The following NALF1 variants were observed in gnomAD, a reference collection of about 807,000 sequenced individuals.
NALF1 encodes the protein NALCN channel auxiliary factor 1.
In NALF1, 3 loss-of-function variants were observed where a neutral mutation model predicts 48.4. The ratio of observed to expected loss-of-function variants is 0.06; its 90% CI spans 0.03 to 0.16. NALF1 has a LOEUF of 0.16. NALF1 is among the 10% of genes least tolerant of loss of function. The pLI is 1.00. For synonymous variants in NALF1, 262 were observed against 245.7 expected (o/e 1.07, Z -0.62); for missense variants, 526 against 571.5 (o/e 0.92, Z 0.81).
intron 1 of NALF1, among the ~76,000 whole-genome samples, chr13:107,341,558 G>T (rs1882681228): frequency 6.6e-6 from 1 of 151,316 alleles, no homozygotes; most frequent in Non-Finnish European, 1.5e-5. Flanking sequence ...GAGGTGGTGA[G>T]GATTAAAATT....
At chr13:107,531,177 T>C (rs535767471) in intron 1 of NALF1, 5 of 168,194 alleles carry the variant, frequency 3.0e-5, no homozygotes, top group Non-Finnish European at 5.9e-5. Context: ...TTTGTCCTCA[T>C]CCAAATCTCA....
chr13:107,519,542 G>A (rs1876169885), intron 1 of NALF1, among the ~76,000 whole-genome samples: 2 of 152,110 alleles, frequency 1.3e-5, no homozygotes, highest in Admixed American at 1.3e-4. Flanking sequence ...TTATCCAGGG[G>A]TTTCCGTCTG....
At chr13:107,826,261 G>A (rs1310621862) in intron 1 of NALF1, among the ~76,000 whole-genome samples, 1 of 152,118 alleles carries the variant, frequency 6.6e-6, no homozygotes, top group African/African-American at 2.4e-5. Flanking sequence ...CTGTGTAGGT[G>A]CCAGAACATA....
At chr13:107,690,891 C>A (rs1217717519) in intron 1 of NALF1, among the ~76,000 whole-genome samples, 2 of 152,150 alleles carry the variant, frequency 1.3e-5, no homozygotes, top group South Asian at 2.1e-4. Context: ...TGCATTCTTA[C>A]GGTGATGTGG....
At chr13:107,544,396 GA>G (rs1217444859) in intron 1 of NALF1, among the ~76,000 whole-genome samples, 4 of 152,194 alleles carry the variant, frequency 2.6e-5, no homozygotes, top group African/African-American at 9.6e-5. Flanking sequence ...AGCCATAATT[GA>G]AAATAGATGT....
At chr13:107,199,390 C>T (rs1358224668) in intron 2 of NALF1, among the ~76,000 whole-genome samples, 2 of 152,130 alleles carry the variant, frequency 1.3e-5, no homozygotes, top group Admixed American at 6.5e-5. Flanking sequence ...GGTATTTTGT[C>T]ACGGCAGCCC....
At position 107,865,925 on chromosome 13, in the gene NALF1, C is replaced by A. The variant is rs1361251821; in HGVS notation, c.672G>T (p.Ser224=). 1 of 1,614,048 alleles carries A rather than the reference C, an allele frequency of 6.2e-7. No individual in the cohort carries two copies. Residue 224 remains serine, a synonymous_variant, in exon 1 of 3, where the codon TCG becomes TCT. Coordinates refer to ENST00000375915, the MANE Select transcript of NALF1 (RefSeq NM_001080396.3). ...PLWNLSDFYL[S]FCNSYTLWEL... is the part of the protein sequence containing the mutation. ...CCCAAAGTGTGTAGGAATTACAAAACGAAAGGTAAAAATCCGACAAGTTCC... is the reference window on the plus strand; with the variant it reads ...CCCAAAGTGTGTAGGAATTACAAAAAGAAAGGTAAAAATCCGACAAGTTCC...
At chr13:107,486,385 TAGAA>T (rs1483577838) in intron 1 of NALF1, among the ~76,000 whole-genome samples, 9 of 152,158 alleles carry the variant, frequency 5.9e-5, no homozygotes, top group Non-Finnish European at 1.0e-4. Flanking sequence ...GGAAAGATCA[TAGAA>T]AGAGTTGCCG....
chr13:107,582,061 G>GT (rs1230556330), intron 1 of NALF1, among the ~76,000 whole-genome samples: 2 of 152,066 alleles, frequency 1.3e-5, no homozygotes, highest in Non-Finnish European at 2.9e-5. Flanking sequence ...AGTGCTGTAG[G>GT]TTGCTTAGCC....
intron 1 of NALF1, among the ~76,000 whole-genome samples, chr13:107,771,193 T>C (rs535217883): frequency 3.6e-4 from 55 of 152,282 alleles, no homozygotes; most frequent in East Asian, 5.8e-4. Context: ...TTTTACTTTC[T>C]GGATGTTTCC....
intron 1 of NALF1, among the ~76,000 whole-genome samples, chr13:107,593,358 G>A (rs910436238): frequency 2.0e-5 from 3 of 151,240 alleles, no homozygotes; most frequent in Non-Finnish European, 4.4e-5. Context: ...TAATTTTTAT[G>A]GCTACTTTTT....
intron 1 of NALF1, among the ~76,000 whole-genome samples, chr13:107,440,538 A>C (rs1335495965): frequency 6.6e-6 from 1 of 152,132 alleles, no homozygotes; most frequent in African/African-American, 2.4e-5. Flanking sequence ...GTTTGCGCTG[A>C]GTTTTGAGAG....
At chr13:107,700,169 G>C (rs1237721855) in intron 1 of NALF1, among the ~76,000 whole-genome samples, 3 of 151,228 alleles carry the variant, frequency 2.0e-5, no homozygotes, top group African/African-American at 7.3e-5. Context: ...AATTTATTCA[G>C]AACTAAAAAA....
At chr13:107,651,592 A>G (rs189964249) in intron 1 of NALF1, among the ~76,000 whole-genome samples, 2 of 152,358 alleles carry the variant, frequency 1.3e-5, no homozygotes, top group East Asian at 1.9e-4. Context: ...CCTGTTCCAC[A>G]GGATGGAGTA....
intron 1 of NALF1, among the ~76,000 whole-genome samples, chr13:107,573,688 G>GT (rs1878054459): frequency 6.6e-6 from 1 of 152,080 alleles, no homozygotes; most frequent in African/African-American, 2.4e-5. Flanking sequence ...TGTCATGGGG[G>GT]GGACCTGGTC....
At position 107,549,987 on chromosome 13, in the gene NALF1, A is replaced by G. The variant is rs577819214; in HGVS notation, c.915+315695T>C. ...CCTTGGCATTTTTTAAGAAAGATAG[A>G]CCATTAAATTTTTAGAAACTATCTT... On this transcript the variant is annotated intron_variant, in intron 1 of 2. Coordinates refer to ENST00000375915, the MANE Select transcript of NALF1 (RefSeq NM_001080396.3). Among the ~76,000 whole-genome samples, 5 of 152,212 alleles carry G rather than the reference A, an allele frequency of 3.3e-5. No individual in the cohort carries two copies. In the East Asian group the frequency reaches 9.7e-4, roughly 29 times the overall value.
intron 1 of NALF1, among the ~76,000 whole-genome samples, chr13:107,403,263 T>C (rs1883844042): frequency 6.8e-6 from 1 of 145,990 alleles, no homozygotes. Flanking sequence ...AGAGGGGTGA[T>C]TGTGAAAACA....
intron 1 of NALF1, among the ~76,000 whole-genome samples, chr13:107,597,212 T>A (rs1878778752): frequency 6.6e-6 from 1 of 152,314 alleles, no homozygotes; most frequent in East Asian, 1.9e-4. Context: ...TCAAAGACAT[T>A]AGCATAAAGC....
intron 1 of NALF1, among the ~76,000 whole-genome samples, chr13:107,689,270 CCTT>C (rs776850539): frequency 7.9e-5 from 12 of 152,276 alleles, no homozygotes; most frequent in East Asian, 7.7e-4. Flanking sequence ...GACCTTGTCT[CCTT>C]CTTCTTTTTT....
Sources: gnomAD v4.1 joint callset for allele counts (sites outside exome capture counted in the v4.1 genomes callset) on GRCh38, gnomAD v4.1.1 for gene constraint, MANE v1.5 for transcripts, NCBI Gene and HGNC (gene_info 2026-07-23, HGNC 2026-07-21) for gene names.